The following EIF4EBP1 variants were observed in gnomAD, a reference collection of about 807,000 sequenced individuals.
EIF4EBP1 encodes eukaryotic translation initiation factor 4E binding protein 1.
In EIF4EBP1, 5 loss-of-function variants were observed where a neutral mutation model predicts 9.2. That is an observed-to-expected ratio of 0.54 (90% CI 0.28 to 1.14). The LOEUF (loss-of-function observed/expected upper bound fraction) is 1.14, where lower values mean the gene tolerates loss of function less well. Ranked by LOEUF, EIF4EBP1 falls within the 50% of genes most tolerant of loss-of-function variation. EIF4EBP1 has a pLI of 0.09. For missense variants in EIF4EBP1, 139 were observed against 169.6 expected, an observed-to-expected ratio of 0.82 and a Z score of 1.00; for synonymous variants, 62 against 67.0, an observed-to-expected ratio of 0.93 and a Z score of 0.36.
chr8:38,047,267 C>CT (rs1281896958), intron 1 of EIF4EBP1: 3 of 152,130 alleles, frequency 2.0e-5, no homozygotes, highest in African/African-American at 7.2e-5. Flanking sequence ...CTACATCTGA[C>CT]TTTTTTAAAT....
At chr8:38,041,101 T>A (rs1318562390) in intron 1 of EIF4EBP1, among the ~76,000 whole-genome samples, 2 of 151,492 alleles carry the variant, frequency 1.3e-5, no homozygotes, top group Non-Finnish European at 2.9e-5. Context: ...CGCCTGGCCT[T>A]TTTTGTTTGC....
chr8:38,058,152 T>C (rs1360716976), intron 2 of EIF4EBP1, among the ~76,000 whole-genome samples: 4 of 152,182 alleles, frequency 2.6e-5, no homozygotes, highest in Admixed American at 6.5e-5. Flanking sequence ...TAGTTGCCTG[T>C]GTCTTAGTCT....
intron 1 of EIF4EBP1, among the ~76,000 whole-genome samples, chr8:38,050,703 C>T (rs1809508783): frequency 6.6e-6 from 1 of 152,126 alleles, no homozygotes; most frequent in South Asian, 2.1e-4. Context: ...GCCTCAACTT[C>T]CTAGGCTCAA....
At chr8:38,040,811 C>G (rs190916231) in intron 1 of EIF4EBP1, among the ~76,000 whole-genome samples, 1 of 152,174 alleles carries the variant, frequency 6.6e-6, no homozygotes, top group Non-Finnish European at 1.5e-5. Flanking sequence ...AGTATTCTGT[C>G]GGTCAAAGCA....
At chr8:38,054,868 A>G (rs972637805) in intron 1 of EIF4EBP1, among the ~76,000 whole-genome samples, 1 of 152,162 alleles carries the variant, frequency 6.6e-6, no homozygotes, top group African/African-American at 2.4e-5. Context: ...TCTTTATTTT[A>G]CAGATGAGGA....
chr8:38,057,680 A>G (rs1481174050), intron 2 of EIF4EBP1, among the ~76,000 whole-genome samples: 1 of 152,214 alleles, frequency 6.6e-6, no homozygotes, highest in Non-Finnish European at 1.5e-5. Context: ...TTGGGAAATT[A>G]TATGTCTACA....
intron 1 of EIF4EBP1, among the ~76,000 whole-genome samples, chr8:38,036,605 C>T (rs1809306065): frequency 6.6e-6 from 1 of 152,128 alleles, no homozygotes; most frequent in Non-Finnish European, 1.5e-5. Context: ...GGCATTTTCT[C>T]ATATAGACCT....
intron 1 of EIF4EBP1, among the ~76,000 whole-genome samples, chr8:38,037,504 C>T (rs1238808278): frequency 1.3e-5 from 2 of 151,622 alleles, no homozygotes; most frequent in African/African-American, 2.4e-5. Context: ...TTAGTAGAGA[C>T]GGGGTTTACC....
chr8:38,036,486 G>T (rs553600674), intron 1 of EIF4EBP1, among the ~76,000 whole-genome samples: 1 of 152,312 alleles, frequency 6.6e-6, no homozygotes, highest in African/African-American at 2.4e-5. Context: ...AAGAGAGAGA[G>T]TTTGATTTTT....
chr8:38,054,627 C>G (rs1472280276), intron 1 of EIF4EBP1, among the ~76,000 whole-genome samples: 1 of 152,192 alleles, frequency 6.6e-6, no homozygotes, highest in East Asian at 1.9e-4. Context: ...CTGGGCTTCC[C>G]TCCCCTCTGG....
chr8:38,032,026 C>T (rs1024768000), intron 1 of EIF4EBP1, among the ~76,000 whole-genome samples: 2 of 152,236 alleles, frequency 1.3e-5, no homozygotes, highest in Non-Finnish European at 2.9e-5. Flanking sequence ...CCATGCTGTT[C>T]TCCTTTGTCT....
intron 1 of EIF4EBP1, among the ~76,000 whole-genome samples, chr8:38,036,276 G>T (rs1038700594): frequency 6.6e-6 from 1 of 152,012 alleles, no homozygotes; most frequent in African/African-American, 2.4e-5. Flanking sequence ...CACTTTGGGA[G>T]GCTAAGCAGA....
intron 1 of EIF4EBP1, among the ~76,000 whole-genome samples, chr8:38,050,015 G>A (rs994390620): frequency 1.3e-5 from 2 of 151,466 alleles, no homozygotes; most frequent in Non-Finnish European, 2.9e-5. Context: ...GGGTTCAAGC[G>A]GTTCTCGTGC....
At chr8:38,055,695 G>A (rs1375833521) in intron 1 of EIF4EBP1, among the ~76,000 whole-genome samples, 1 of 152,008 alleles carries the variant, frequency 6.6e-6, no homozygotes, top group African/African-American at 2.4e-5. Flanking sequence ...ATAGAAGGTA[G>A]CTATAAAAAG....
intron 2 of EIF4EBP1, among the ~76,000 whole-genome samples, chr8:38,058,546 C>G (rs1301518802): frequency 6.6e-6 from 1 of 152,112 alleles, no homozygotes; most frequent in Admixed American, 6.6e-5. Flanking sequence ...CATAGCATTC[C>G]AGCCCTGGAC....
chr8:38,035,688 T>A lies in EIF4EBP1; in HGVS notation c.145+4970T>A, dbSNP rs1383569741. 1.3e-5 allele frequency among the ~76,000 whole-genome samples: 2 copies of A among 151,566 alleles called. 1 individual carries two copies. Among genetic ancestry groups the A allele is most frequent in the East Asian group, 3.9e-4 (2 of 5,132 alleles). ...ACAGGCACGCACCACCATGCCCAGCTAATTATTTATTTATTTATTTATTTA... is the reference window on the plus strand; with the variant it reads ...ACAGGCACGCACCACCATGCCCAGCAAATTATTTATTTATTTATTTATTTA... On this transcript the variant is annotated intron_variant, in intron 1 of 2. Coordinates refer to ENST00000338825, the MANE Select transcript of EIF4EBP1 (RefSeq NM_004095.4).
At chr8:38,043,043 G>C (rs757692015) in intron 1 of EIF4EBP1, among the ~76,000 whole-genome samples, 1 of 152,136 alleles carries the variant, frequency 6.6e-6, no homozygotes, top group Non-Finnish European at 1.5e-5. Context: ...CTCTAGTCTG[G>C]GTGACAGAGT....
intron 1 of EIF4EBP1, among the ~76,000 whole-genome samples, chr8:38,036,984 T>C (rs565685903): frequency 1.3e-5 from 2 of 152,144 alleles, no homozygotes; most frequent in South Asian, 4.2e-4. Flanking sequence ...AAAAGGAACA[T>C]TGCTTTCTAA....
chr8:38,039,159 TG>T, intron 1 of EIF4EBP1, among the ~76,000 whole-genome samples: 1 of 152,086 alleles, frequency 6.6e-6, no homozygotes, highest in Non-Finnish European at 1.5e-5. Flanking sequence ...CCCAAAGTGT[TG>T]GGATTACAGG....
Sources: allele counts gnomAD v4.1 joint callset (sites outside exome capture counted in the v4.1 genomes callset), GRCh38; gene constraint gnomAD v4.1.1; transcripts MANE v1.5; gene names NCBI Gene and HGNC (gene_info 2026-07-23, HGNC 2026-07-21).